Variants in BRD4 observed in about 807,000 individuals in gnomAD.
BRD4 encodes bromodomain-containing protein 4.
A neutral mutation model predicts 142.1 loss-of-function variants in BRD4; 16 were observed. That is an observed-to-expected ratio of 0.11 (90% CI 0.08 to 0.17). The LOEUF (loss-of-function observed/expected upper bound fraction) is 0.17, where lower values mean the gene tolerates loss of function less well. Ranked by LOEUF, BRD4 falls within the 10% of genes least tolerant of loss-of-function variation. The pLI, the probability that BRD4 is intolerant of heterozygous loss-of-function variation, is 1.00. For synonymous variants in BRD4, 833 were observed against 707.5 expected (o/e 1.18, Z -2.82); for missense variants, 1,424 against 1,810.9 (o/e 0.79, Z 3.88).
chr19:15,247,483 G>A (rs2145529927), intron 11 of BRD4: 2 of 233,208 alleles, frequency 8.6e-6, no homozygotes, highest in Non-Finnish European at 1.7e-5. Context: ...GGGCAAGAAG[G>A]ACAGGGTCCC....
chr19:15,236,784 G>A lies in BRD4; in HGVS notation c.*1593C>T, dbSNP rs2047194960. ...GGTCTGGGGTCCAGGGGGTCCCCTG[G>A]GCCTAGCCTAGGCAACAGTTGGTTC... On this transcript the variant is annotated 3_prime_UTR_variant, in exon 20 of 20. Coordinates refer to ENST00000679869, the MANE Select transcript of BRD4 (RefSeq NM_001379291.1). 1 of 177,850 alleles carries A rather than the reference G, an allele frequency of 5.6e-6. No individual in the cohort carries two copies. The highest frequency in any genetic ancestry group is 1.2e-5 in the Non-Finnish European group (1 of 82,810). 11.0% of individuals were successfully genotyped at this position (177,850 alleles called of 1,614,324 possible).
At chr19:15,299,467 T>C (rs1555744014) in intron 1 of BRD4, among the ~76,000 whole-genome samples, 1 of 152,098 alleles carries the variant, frequency 6.6e-6, no homozygotes, top group Non-Finnish European at 1.5e-5. Flanking sequence ...CAAGAGTCCC[T>C]TGGTGGTGGT....
chr19:15,242,115 G>A (rs112766199), intron 14 of BRD4, among the ~76,000 whole-genome samples: 1 of 152,112 alleles, frequency 6.6e-6, no homozygotes, highest in Non-Finnish European at 1.5e-5. Flanking sequence ...CGCCCGGCCT[G>A]CATCCAGCAG....
At chr19:15,294,033 C>T (rs1475930543) in intron 1 of BRD4, among the ~76,000 whole-genome samples, 2 of 152,186 alleles carry the variant, frequency 1.3e-5, no homozygotes, top group Admixed American at 6.5e-5. Flanking sequence ...ATCCCCAAAA[C>T]GCTAAGTGTC....
At chr19:15,282,257 T>G (rs899803682) in intron 1 of BRD4, among the ~76,000 whole-genome samples, 1 of 152,210 alleles carries the variant, frequency 6.6e-6, no homozygotes, top group Non-Finnish European at 1.5e-5. Flanking sequence ...CTGCAGGCCA[T>G]AGTTTGCAGC....
intron 1 of BRD4, among the ~76,000 whole-genome samples, chr19:15,273,816 CTTTTTTTTTT>C (rs920676613): frequency 7.9e-6 from 1 of 127,386 alleles, no homozygotes; most frequent in Non-Finnish European, 1.7e-5. Flanking sequence ...CTACCATTTT[CTTTTTTTTTT>C]TTTTTTTTCA....
intron 1 of BRD4, among the ~76,000 whole-genome samples, chr19:15,327,560 GA>G (rs1250931594): frequency 1.3e-5 from 2 of 151,410 alleles, no homozygotes; most frequent in South Asian, 2.1e-4. Context: ...GAAAAAAAGA[GA>G]AAAAAAAGTA....
intron 4 of BRD4, among the ~76,000 whole-genome samples, chr19:15,266,749 A>C (rs1029175810): frequency 4.6e-5 from 7 of 152,186 alleles, no homozygotes; most frequent in Admixed American, 3.3e-4. Flanking sequence ...CAGAGAAGCA[A>C]ACAACTCACA....
At chr19:15,255,044 T>C (rs996425935) in intron 10 of BRD4, among the ~76,000 whole-genome samples, 1 of 152,064 alleles carries the variant, frequency 6.6e-6, no homozygotes, top group South Asian at 2.1e-4. Context: ...AGCTCCGGCT[T>C]AGAACACAGC....
chr19:15,329,057 G>C (rs1568415196), intron 1 of BRD4, among the ~76,000 whole-genome samples: 1 of 151,006 alleles, frequency 6.6e-6, no homozygotes, highest in South Asian at 2.1e-4. Flanking sequence ...ACAGGCGTGA[G>C]CCACCACGCC....
intron 14 of BRD4, among the ~76,000 whole-genome samples, chr19:15,240,763 G>A (rs2047232190): frequency 6.6e-6 from 1 of 152,222 alleles, no homozygotes; most frequent in Non-Finnish European, 1.5e-5. Flanking sequence ...GAGCAGCTGA[G>A]TCCTACCCAT....
At chr19:15,263,266 C>T (rs926752004) in intron 7 of BRD4, among the ~76,000 whole-genome samples, 154 bp downstream of exon 7, 4 of 152,214 alleles carry the variant, frequency 2.6e-5, no homozygotes, top group African/African-American at 4.8e-5. Flanking sequence ...AAAATGTATG[C>T]ACTAGGCTGA....
At chr19:15,299,219 TGAG>T (rs2047848328) in intron 1 of BRD4, among the ~76,000 whole-genome samples, 1 of 152,186 alleles carries the variant, frequency 6.6e-6, no homozygotes, top group South Asian at 2.1e-4. Context: ...CATCACTCTA[TGAG>T]AAGTGACCAT....
rs754303098 is a variant in BRD4, at chr19:15,273,058, C to A, written c.42G>T (p.Leu14=). ...TTTCTAGTCCATCCCCCATTACTGG[C>A]AGATTTCTCAATCTCGTCCCAGGGC... ...ESGPGTRLRN[L]PVMGDGLETS... is the part of the protein sequence containing the mutation. Residue 14 remains leucine (L), a synonymous_variant, in exon 2 of 20, where the codon CTG becomes CTT. Coordinates refer to ENST00000679869, the MANE Select transcript of BRD4 (RefSeq NM_001379291.1). The A allele has an allele frequency of 6.2e-7, 1 of 1,610,196 alleles. No individual in the cohort carries two copies. The highest frequency in any genetic ancestry group is 8.5e-7 in the Non-Finnish European group (1 of 1,177,254).
chr19:15,306,557 A>C (rs2047915835), intron 1 of BRD4, among the ~76,000 whole-genome samples: 1 of 152,028 alleles, frequency 6.6e-6, no homozygotes, highest in Non-Finnish European at 1.5e-5. Flanking sequence ...ACAGGCATGA[A>C]CCCCACGCCT....
At chr19:15,299,444 A>G (rs964868850) in intron 1 of BRD4, among the ~76,000 whole-genome samples, 2 of 152,210 alleles carry the variant, frequency 1.3e-5, no homozygotes, top group African/African-American at 4.8e-5. Flanking sequence ...TGCCCACAGC[A>G]AAGTAATCAA....
At chr19:15,316,025 G>A (rs1296802152) in intron 1 of BRD4, among the ~76,000 whole-genome samples, 4 of 144,788 alleles carry the variant, frequency 2.8e-5, no homozygotes, top group East Asian at 2.1e-4. Context: ...GCGTAGTGGC[G>A]GGCGCCTGTG....
chr19:15,302,957 G>A (rs1289686812), intron 1 of BRD4, among the ~76,000 whole-genome samples: 1 of 147,536 alleles, frequency 6.8e-6, no homozygotes, highest in African/African-American at 2.5e-5. Context: ...GCAGTGAGCC[G>A]AGATCGCGCC....
chr19:15,255,999 A>C (rs535647667), intron 9 of BRD4, 65 bp downstream of exon 9: 221 of 1,578,484 alleles, frequency 1.4e-4, no homozygotes, highest in South Asian at 5.9e-4. Context: ...GCAGTGGCCC[A>C]CACAGTCTCA....
Sources: gnomAD v4.1 joint callset for allele counts (sites outside exome capture counted in the v4.1 genomes callset) on GRCh38, gnomAD v4.1.1 for gene constraint, MANE v1.5 for transcripts, NCBI Gene and HGNC (gene_info 2026-07-23, HGNC 2026-07-21) for gene names.